C16orf74: variants seen among roughly 807,000 people sequenced by gnomAD.
The protein encoded by C16orf74 is calcimembrin, also known as uncharacterized protein C16orf74.
In C16orf74, 10 loss-of-function variants were observed where a neutral mutation model predicts 6.5. The observed-to-expected ratio is 1.54, with a 90% CI of 0.95 to 2.61. The LOEUF (loss-of-function observed/expected upper bound fraction) is 2.61, where lower values mean the gene tolerates loss of function less well. Among genes scored for constraint, C16orf74 ranks in the 30% most tolerant of loss-of-function variants. The probability of loss-of-function intolerance (pLI) is 0.00; values close to 1 mark genes in which losing one functional copy is unlikely to be tolerated. For synonymous variants in C16orf74, 60 were observed against 42.5 expected (o/e 1.41, Z -1.60); for missense variants, 141 against 105.9 (o/e 1.33, Z -1.45).
intron 2 of C16orf74, 46 bp from the exon 3 acceptor site, chr16:85,710,353 G>A (rs766820240): frequency 7.0e-7 from 1 of 1,434,824 alleles, no homozygotes. Context: ...ACACGACAGA[G>A]AGACAGGCAT....
At chr16:85,749,392 C>T (rs1186571076) in intron 1 of C16orf74, among the ~76,000 whole-genome samples, 1 of 152,262 alleles carries the variant, frequency 6.6e-6, no homozygotes, top group Non-Finnish European at 1.5e-5. Flanking sequence ...CTCAAGGAAA[C>T]CTCCCGTCTC....
intron 2 of C16orf74, among the ~76,000 whole-genome samples, chr16:85,711,315 TAAA>T (rs34082214): frequency 1.6e-5 from 2 of 123,970 alleles, no homozygotes; most frequent in Non-Finnish European, 1.6e-5. Flanking sequence ...GACTCCATCT[TAAA>T]AAAAAAAAAA....
At chr16:85,711,530 G>A (rs1387083212) in intron 2 of C16orf74, among the ~76,000 whole-genome samples, 1 of 150,648 alleles carries the variant, frequency 6.6e-6, no homozygotes, top group Non-Finnish European at 1.5e-5. Flanking sequence ...GGCTGAGGCA[G>A]GAGAATTGCT....
intron 2 of C16orf74, among the ~76,000 whole-genome samples, chr16:85,724,765 C>A (rs899814495): frequency 6.6e-6 from 1 of 152,180 alleles, no homozygotes; most frequent in Non-Finnish European, 1.5e-5. Flanking sequence ...AGGCTGAGAG[C>A]ACATTCATTC....
At chr16:85,740,596 G>A (rs894668795) in intron 1 of C16orf74, among the ~76,000 whole-genome samples, 2 of 151,680 alleles carry the variant, frequency 1.3e-5, no homozygotes, top group African/African-American at 4.8e-5. Flanking sequence ...AGACGCTGAG[G>A]CAGAAGAATG....
chr16:85,743,509 C>A (rs2054333398), intron 1 of C16orf74: 1 of 152,196 alleles, frequency 6.6e-6, no homozygotes, highest in Non-Finnish European at 1.5e-5. Flanking sequence ...CTCTGGGCTG[C>A]CAGACACTAA....
chr16:85,749,827 C>T (rs1019548123), intron 1 of C16orf74, among the ~76,000 whole-genome samples: 2 of 152,222 alleles, frequency 1.3e-5, no homozygotes, highest in African/African-American at 2.4e-5. Context: ...CATGGGAAGG[C>T]GCTTCCAGGG....
chr16:85,733,142 G>A lies in C16orf74; in HGVS notation c.28+2048C>T, dbSNP rs145945361. On this transcript the variant is annotated intron_variant, in intron 2 of 3. Coordinates refer to ENST00000284245, the MANE Select transcript of C16orf74 (RefSeq NM_206967.3). ...GTCCTGACACAATCGCCAAAAGGTG[G>A]AAACAACCCAGTGTCCATCGTTGGA... 5.5e-3 allele frequency among the ~76,000 whole-genome samples: 844 copies of A among 152,332 alleles called. 11 individuals are homozygous for A. The highest frequency in any genetic ancestry group is 0.019 in the African/African-American group (808 of 41,578).
chr16:85,740,402 CA>C (rs1404024181), intron 1 of C16orf74, among the ~76,000 whole-genome samples: 1 of 149,114 alleles, frequency 6.7e-6, no homozygotes, highest in African/African-American at 2.5e-5. Context: ...ACTAAAAATA[CA>C]AAAAATTATC....
intron 2 of C16orf74, among the ~76,000 whole-genome samples, chr16:85,726,312 G>C (rs1160397280): frequency 6.6e-6 from 1 of 152,198 alleles, no homozygotes; most frequent in African/African-American, 2.4e-5. Flanking sequence ...TGCCTGGCAT[G>C]CAGCAGGTAC....
chr16:85,737,545 T>C (rs1022061470), intron 1 of C16orf74, among the ~76,000 whole-genome samples: 9 of 152,154 alleles, frequency 5.9e-5, no homozygotes, highest in African/African-American at 9.7e-5. Context: ...AAAACAAGCT[T>C]ACGCCTGGGC....
At chr16:85,748,945 T>A (rs974921733) in intron 1 of C16orf74, among the ~76,000 whole-genome samples, 29 of 104,308 alleles carry the variant, frequency 2.8e-4, no homozygotes, top group Non-Finnish European at 5.7e-4. Flanking sequence ...TTTTTTTTTT[T>A]TTATTTTATT....
chr16:85,733,122 G>A (rs1408742208), intron 2 of C16orf74, among the ~76,000 whole-genome samples: 5 of 152,212 alleles, frequency 3.3e-5, no homozygotes, highest in Non-Finnish European at 1.5e-5. Context: ...AAGATGTCCT[G>A]ACACAATCGC....
chr16:85,708,110 A>C lies in C16orf74; in HGVS notation c.173-44T>G, dbSNP rs757401554. The C allele has an allele frequency of 1.3e-5, 19 of 1,487,882 alleles. No individual in the cohort carries two copies. In the South Asian group the frequency reaches 2.2e-4, roughly 17 times the overall value. The allele number at this position is 1,487,882 out of a possible 1,614,324, so 92.2% of individuals were successfully genotyped here. A position where few individuals can be genotyped will look rare whatever the true frequency, so the allele number is the denominator to read the frequency against. ...GGACACCTGGATGCACCCTGCCCCC[A>C]CCACACCAAGCCCCGTTTCCCTGGG... On this transcript the variant is annotated intron_variant, in intron 3 of 3. Coordinates refer to ENST00000284245, the MANE Select transcript of C16orf74 (RefSeq NM_206967.3).
chr16:85,746,681 A>C (rs1479659249), intron 1 of C16orf74, among the ~76,000 whole-genome samples: 1 of 152,148 alleles, frequency 6.6e-6, no homozygotes, highest in Non-Finnish European at 1.5e-5. Flanking sequence ...TTGCCAGGTG[A>C]GTGGGCTCCA....
intron 2 of C16orf74, among the ~76,000 whole-genome samples, chr16:85,721,203 G>T (rs561197608): frequency 6.6e-6 from 1 of 152,132 alleles, no homozygotes; most frequent in Non-Finnish European, 1.5e-5. Context: ...AACAAGAGCA[G>T]GACAACCATG....
At chr16:85,728,361 A>G (rs187633029) in intron 2 of C16orf74, among the ~76,000 whole-genome samples, 1 of 152,318 alleles carries the variant, frequency 6.6e-6, no homozygotes, top group East Asian at 1.9e-4. Context: ...AATTAAAAAA[A>G]CAATGACAAA....
intron 1 of C16orf74, among the ~76,000 whole-genome samples, chr16:85,736,540 C>T (rs1474574410): frequency 6.6e-6 from 1 of 152,044 alleles, no homozygotes; most frequent in South Asian, 2.1e-4. Flanking sequence ...GTGGGAGATA[C>T]CACCAAGACA....
At chr16:85,709,102 C>G (rs2053941741) in intron 3 of C16orf74, among the ~76,000 whole-genome samples, 1 of 152,214 alleles carries the variant, frequency 6.6e-6, no homozygotes, top group African/African-American at 2.4e-5. Flanking sequence ...TGCCTGTAAT[C>G]CCAGCACTTT....
Sources: gnomAD v4.1 joint callset for allele counts (sites outside exome capture counted in the v4.1 genomes callset) on GRCh38, gnomAD v4.1.1 for gene constraint, MANE v1.5 for transcripts, NCBI Gene and HGNC (gene_info 2026-07-23, HGNC 2026-07-21) for gene names.